The following RBFOX1 variants were observed in gnomAD, a reference collection of about 807,000 sequenced individuals.
RBFOX1 encodes RNA binding fox-1 homolog 1, also known as RNA binding protein fox-1 homolog 1.
A neutral mutation model predicts 57.7 loss-of-function variants in RBFOX1; 8 were observed. That is an observed-to-expected ratio of 0.14 (90% CI 0.08 to 0.25). RBFOX1 has a LOEUF of 0.25. Among genes scored for constraint, RBFOX1 ranks in the 10% least tolerant of loss-of-function variants. RBFOX1 has a pLI of 1.00. For missense variants in RBFOX1, 611 were observed against 548.5 expected (o/e 1.11, Z -1.14); for synonymous variants, 326 against 222.4 (o/e 1.47, Z -4.15).
chr16:5,848,408 C>T (rs943258952), intron 3 of RBFOX1, among the ~76,000 whole-genome samples: 9 of 152,132 alleles, frequency 5.9e-5, no homozygotes, highest in African/African-American at 2.2e-4. Flanking sequence ...GGGTTCAGCA[C>T]AACATCTGGA....
At chr16:7,027,975 G>A (rs2041486421) in intron 3 of RBFOX1, among the ~76,000 whole-genome samples, 1 of 151,764 alleles carries the variant, frequency 6.6e-6, no homozygotes, top group Non-Finnish European at 1.5e-5. Context: ...AGAAACAAGG[G>A]TGGAAGGACG....
intron 1 of RBFOX1, among the ~76,000 whole-genome samples, chr16:6,073,371 C>T (rs1372620623): frequency 1.3e-5 from 2 of 152,064 alleles, no homozygotes; most frequent in Non-Finnish European, 2.9e-5. Flanking sequence ...GGTCATGGGC[C>T]CCAGAGACAC....
At chr16:7,189,571 A>ACACG (rs1487730086) in intron 4 of RBFOX1, among the ~76,000 whole-genome samples, 1 of 150,526 alleles carries the variant, frequency 6.6e-6, no homozygotes, top group East Asian at 1.9e-4. Context: ...ACACACACAC[A>ACACG]CACACACACA....
At chr16:5,751,975 G>C (rs2053223479) in intron 3 of RBFOX1, among the ~76,000 whole-genome samples, 1 of 152,112 alleles carries the variant, frequency 6.6e-6, no homozygotes, top group South Asian at 2.1e-4. Flanking sequence ...ACATGCATGT[G>C]TATGTTCATT....
At chr16:5,686,690 G>C (rs2050515497) in intron 3 of RBFOX1, among the ~76,000 whole-genome samples, 1 of 152,014 alleles carries the variant, frequency 6.6e-6, no homozygotes, top group Non-Finnish European at 1.5e-5. Context: ...GGGTAATATG[G>C]GAAAAAAATG....
chr16:6,895,486 A>ATATATATATATATATATATATATATG (rs1231560510), intron 3 of RBFOX1, among the ~76,000 whole-genome samples: 4 of 92,082 alleles, frequency 4.3e-5, no homozygotes, highest in Admixed American at 1.1e-4. Context: ...ATATATATAT[A>ATATATATATATATATATATATATATG]TTTATTCCCC....
intron 1 of RBFOX1, among the ~76,000 whole-genome samples, chr16:6,316,166 G>C (rs117267681): frequency 1.3e-5 from 2 of 151,828 alleles, no homozygotes; most frequent in African/African-American, 4.8e-5. Flanking sequence ...GAGGAAACAA[G>C]TCAGTATCCC....
At chr16:7,176,829 A>C (rs74768294) in intron 4 of RBFOX1, among the ~76,000 whole-genome samples, 32 of 152,350 alleles carry the variant, frequency 2.1e-4, no homozygotes, top group Non-Finnish European at 4.6e-4. Context: ...GTGGTAATAA[A>C]TGTAAAGAAA....
At chr16:5,759,491 A>G (rs2053518064) in intron 3 of RBFOX1, among the ~76,000 whole-genome samples, 1 of 152,208 alleles carries the variant, frequency 6.6e-6, no homozygotes, top group African/African-American at 2.4e-5. Flanking sequence ...TCAAATGCAT[A>G]CACCTCTCAG....
intron 3 of RBFOX1, among the ~76,000 whole-genome samples, chr16:5,728,443 T>C (rs1487347649): frequency 6.6e-6 from 1 of 152,208 alleles, no homozygotes; most frequent in Non-Finnish European, 1.5e-5. Context: ...ATGGACAGGT[T>C]AGCTCAAGGG....
At chr16:5,980,331 A>G (rs531717969) in intron 4 of RBFOX1, among the ~76,000 whole-genome samples, 2 of 152,304 alleles carry the variant, frequency 1.3e-5, no homozygotes, top group South Asian at 2.1e-4. Flanking sequence ...GCAGAACGGT[A>G]TAGATGGTAA....
chr16:7,298,961 C>T (rs955193791), intron 4 of RBFOX1, among the ~76,000 whole-genome samples: 1 of 152,132 alleles, frequency 6.6e-6, no homozygotes, highest in Admixed American at 6.5e-5. Context: ...GTTCACGAGT[C>T]AACTGTATTT....
chr16:6,664,724 T>C (rs921578497), intron 3 of RBFOX1, among the ~76,000 whole-genome samples: 3 of 152,222 alleles, frequency 2.0e-5, no homozygotes, highest in African/African-American at 4.8e-5. Context: ...AAGTCAGTTC[T>C]GGAGATACTC....
At chr16:5,898,803 T>A (rs1300784712) in intron 4 of RBFOX1, among the ~76,000 whole-genome samples, 1 of 151,476 alleles carries the variant, frequency 6.6e-6, no homozygotes, top group Non-Finnish European at 1.5e-5. Context: ...CTCATGCCTA[T>A]AATCCCAGCA....
At chr16:7,144,331 G>T (rs1308866956) in intron 4 of RBFOX1, among the ~76,000 whole-genome samples, 1 of 151,386 alleles carries the variant, frequency 6.6e-6, no homozygotes, top group Non-Finnish European at 1.5e-5. Context: ...TCACTTTAGG[G>T]TTCACACTTT....
chr16:6,468,844 C>A (rs990595656), intron 2 of RBFOX1, among the ~76,000 whole-genome samples: 2 of 151,992 alleles, frequency 1.3e-5, no homozygotes, highest in African/African-American at 2.4e-5. Context: ...CATAGGTAAA[C>A]TTGTGTCATG....
intron 1 of RBFOX1, among the ~76,000 whole-genome samples, chr16:6,029,972 G>A (rs1416170732): frequency 6.6e-6 from 1 of 151,988 alleles, no homozygotes; most frequent in East Asian, 1.9e-4. Context: ...GGAGTGCAGT[G>A]ATGCAATCAT....
intron 3 of RBFOX1, among the ~76,000 whole-genome samples, chr16:5,845,602 T>G (rs2056736788): frequency 6.6e-6 from 1 of 152,226 alleles, no homozygotes; most frequent in African/African-American, 2.4e-5. Context: ...TCACTGTGCT[T>G]TTCTTTGTTA....
At chr16:6,107,241 G>C (rs910803278) in intron 1 of RBFOX1, among the ~76,000 whole-genome samples, 1 of 152,114 alleles carries the variant, frequency 6.6e-6, no homozygotes, top group South Asian at 2.1e-4. Context: ...TGACCCCCTA[G>C]TACCTGATGA....
Sources: allele counts gnomAD v4.1 joint callset (sites outside exome capture counted in the v4.1 genomes callset), GRCh38; gene constraint gnomAD v4.1.1; transcripts MANE v1.5; gene names NCBI Gene and HGNC (gene_info 2026-07-23, HGNC 2026-07-21).